Variants in RIF1 observed in about 807,000 individuals in gnomAD.
RIF1 encodes the protein telomere-associated protein RIF1.
In RIF1, 45 loss-of-function variants were observed where a neutral mutation model predicts 247.1. The observed-to-expected ratio is 0.18, with a 90% CI of 0.14 to 0.23. The LOEUF is 0.23. Among genes scored for constraint, RIF1 ranks in the 10% least tolerant of loss-of-function variants. The pLI, the probability that RIF1 is intolerant of heterozygous loss-of-function variation, is 1.00. For synonymous variants in RIF1, 1,087 were observed against 978.8 expected (o/e 1.11, Z -2.06); for missense variants, 2,967 against 2,862.5 (o/e 1.04, Z -0.83).
rs1014523887 is a variant in RIF1, at chr2:151,493,035, T to C, written c.*416-2194T>C. 10 of 270,308 alleles carry C rather than the reference T, an allele frequency of 3.7e-5. No homozygotes were observed. The Admixed American group carries it at 4.5e-4, about 12-fold the overall frequency. The allele number at this position is 270,308 out of a possible 1,614,324, so 16.7% of individuals were successfully genotyped here. The stretch of plus-strand genomic sequence containing the variant: ...AAGGAGAGCAGAAGATTGAGGATGT[T>C]AGGAAGTAAATTTGTTATAGTTGGT... On this transcript the variant is annotated intron_variant and NMD_transcript_variant, in intron 9 of 13. Coordinates refer to the RIF1 transcript ENST00000454583.
At chr2:151,431,657 C>T (rs1466860455) in intron 9 of RIF1, among the ~76,000 whole-genome samples, 2 of 152,186 alleles carry the variant, frequency 1.3e-5, no homozygotes, top group Non-Finnish European at 2.9e-5. Context: ...CATGGTGGCA[C>T]ATGCCTGTAA....
intron 9 of RIF1, chr2:151,493,161 A>G (rs756204418): frequency 2.2e-5 from 12 of 549,576 alleles, no homozygotes; most frequent in African/African-American, 3.8e-5. Context: ...GTTAATGTCT[A>G]TTTTAGTGTA....
chr2:151,518,122 A>G, the RIF1 span, among the ~76,000 whole-genome samples: 1 of 152,214 alleles, frequency 6.6e-6, no homozygotes, highest in Non-Finnish European at 1.5e-5. Flanking sequence ...ACATAATTGC[A>G]TGTATATTTC....
chr2:151,525,149 G>A, the RIF1 span: 1 of 1,587,280 alleles, frequency 6.3e-7, no homozygotes. Flanking sequence ...AGAGTGTTGA[G>A]AGGGAAAACT....
chr2:151,465,589 AATG>A lies in RIF1; in HGVS notation c.6075_6077del (p.Met2025del). The stretch of plus-strand genomic sequence containing the variant: ...ATACCAAAATGAAAAATAATGAAGA[AATG>A]ATGATCGGCGAGGCAATGGCTGAAA... On this transcript the variant is annotated inframe_deletion, in exon 30 of 36. Coordinates refer to ENST00000444746, the MANE Select transcript of RIF1 (RefSeq NM_018151.5). The A allele has an allele frequency of 2.5e-6, 4 of 1,614,008 alleles. No homozygotes were observed. The highest frequency in any genetic ancestry group is 3.4e-6 in the Non-Finnish European group (4 of 1,179,924).
Position 151,418,330 on chromosome 2 carries a change from G to A in RIF1, c.503+1429G>A, listed in dbSNP as rs139459506. 1.7e-3 allele frequency among the ~76,000 whole-genome samples: 257 copies of A among 152,130 alleles called. 1 individual carries two copies. Among genetic ancestry groups the A allele is most frequent in the African/African-American group, 5.9e-3 (245 of 41,486 alleles). Reference sequence around the variant, plus strand: ...AGTAATTCTTGTGCCTCAGCTTCCCGAGTAGCTGGGATTATAGGCGTCAGC... The same window carrying A: ...AGTAATTCTTGTGCCTCAGCTTCCCAAGTAGCTGGGATTATAGGCGTCAGC... On this transcript the variant is annotated intron_variant, in intron 6 of 35. Coordinates refer to ENST00000444746, the MANE Select transcript of RIF1 (RefSeq NM_018151.5).
At chr2:151,530,940 C>T in the RIF1 span, 49 of 1,196,398 alleles carry the variant, frequency 4.1e-5, no homozygotes, top group African/African-American at 7.0e-4. Context: ...TTTGTTACAT[C>T]TCATTAGAAG....
At chr2:151,513,718 A>G in the RIF1 span, 1 of 1,496,258 alleles carries the variant, frequency 6.7e-7, no homozygotes, top group African/African-American at 1.4e-5. Flanking sequence ...AAAGAAAAAA[A>G]AAAGGTACCT....
At chr2:151,496,458 A>T (rs1246274907) in intron 10 of RIF1, 1 of 1,482,654 alleles carries the variant, frequency 6.7e-7, no homozygotes, top group Non-Finnish European at 9.1e-7. Flanking sequence ...TTCCTTGTTA[A>T]GAAAACACAG....
Position 151,465,799 on chromosome 2 carries a change from A to T in RIF1, c.6279A>T (p.Lys2093Asn). The T allele has an allele frequency of 6.2e-7, 1 of 1,613,302 alleles. No individual in the cohort carries two copies. Among genetic ancestry groups the T allele is most frequent in the Non-Finnish European group, 8.5e-7 (1 of 1,179,226 alleles). ...NKTETNTEYS[K>N]SEEKLDNNQM... is the part of the protein sequence containing the mutation. ...CTGAAACAAATACTGAGTATAGTAA[A>T]TCTGAAGAAAAATTAGATAACAATC... Residue 2093 changes from lysine (K) to asparagine (N), a missense_variant, in exon 30 of 36, where the codon AAA becomes AAT. Around this residue, in one of 7 missense-constraint regions of RIF1, gnomAD observed 2,028 missense variants for 1,825.6 expected, o/e 1.11. Transcript: ENST00000444746.
intron 9 of RIF1, among the ~76,000 whole-genome samples, chr2:151,488,962 TC>T (rs1414788319): frequency 6.6e-6 from 1 of 152,228 alleles, no homozygotes; most frequent in African/African-American, 2.4e-5. Flanking sequence ...TATGTTTTGT[TC>T]TTTTTTAGTT....
chr2:151,496,993 G>A, intron 10 of RIF1: 1 of 1,579,202 alleles, frequency 6.3e-7, no homozygotes, highest in Non-Finnish European at 8.6e-7. Flanking sequence ...AGGAGTGACA[G>A]GTAGAGGGGT....
the RIF1 span, chr2:151,526,014 GTGT>G: frequency 6.2e-7 from 1 of 1,614,004 alleles, no homozygotes; most frequent in Non-Finnish European, 8.5e-7. Flanking sequence ...GTCTCTGGTA[GTGT>G]TGTGTATGAG....
chr2:151,499,267 A>ATAATT (rs1559244947), intron 10 of RIF1: 2 of 1,132,860 alleles, frequency 1.8e-6, no homozygotes, highest in Admixed American at 4.8e-5. Flanking sequence ...ATTTTTTTAA[A>ATAATT]TAATTAAAGG....
rs754996127 is a variant in RIF1 at position 151,473,987 on chromosome 2, G to C, written c.7119G>C (p.Glu2373Asp). The C allele has an allele frequency of 2.5e-5, 40 of 1,590,806 alleles. No homozygotes were observed. Among genetic ancestry groups the C allele is most frequent in the Non-Finnish European group, 3.4e-5 (39 of 1,161,564 alleles). The change falls in exon 35 of 36, where the codon GAG (glutamate) becomes GAC (aspartate). Residue 2373 changes from glutamate to aspartate, a missense_variant. Coordinates refer to ENST00000444746, the MANE Select transcript of RIF1 (RefSeq NM_018151.5). ...AGGTGAAGACTCGTGGACTAGAAGA[G>C]ATTCCAGTTTTTGATATTTCTGAAA... is the stretch of plus-strand genomic sequence containing the variant. Reference protein sequence around the residue: ...EQQVKTRGLEEIPVFDISEKT... With the variant: ...EQQVKTRGLEDIPVFDISEKT...
chr2:151,443,587 C>G lies in RIF1; in HGVS notation c.1864C>G (p.Leu622Val). Residue 622 changes from leucine (L) to valine (V), a missense_variant, in exon 18 of 36, where the codon CTA becomes GTA. Physicochemically the swap from Leu to Val is conservative, Grantham distance 32. Around this residue, in one of 7 missense-constraint regions of RIF1, gnomAD observed 369 missense variants for 322.0 expected, o/e 1.15. Coordinates refer to ENST00000444746, the MANE Select transcript of RIF1 (RefSeq NM_018151.5). ...TGTTCTTTCTGGTCCAACTTCACCA[C>G]TAGCTTTCAGTGACTCAGTTTTAAA... is the stretch of plus-strand genomic sequence containing the variant. ...GCVLSGPTSPLAFSDSVLNVI... is the reference protein window; with the variant it reads ...GCVLSGPTSPVAFSDSVLNVI... The G allele has an allele frequency of 6.2e-7, 1 of 1,611,974 alleles. No individual in the cohort carries two copies. Among genetic ancestry groups the G allele is most frequent in the East Asian group, 2.2e-5 (1 of 44,768 alleles).
chr2:151,419,866 C>G (rs775118242), intron 6 of RIF1, among the ~76,000 whole-genome samples: 4 of 152,172 alleles, frequency 2.6e-5, no homozygotes, highest in East Asian at 3.9e-4. Context: ...CAAAACGTTG[C>G]TCTGTGGTGA....
intron 7 of RIF1, 138 bp downstream of exon 7, chr2:151,420,517 C>A: frequency 1.3e-6 from 1 of 750,544 alleles, no homozygotes; most frequent in Non-Finnish European, 2.1e-6. Flanking sequence ...GGGAGGATTG[C>A]TTGAGGCCAG....
chr2:151,457,771 T>C lies in RIF1; in HGVS notation c.2663T>C (p.Leu888Pro). The C allele has an allele frequency of 6.2e-7, 1 of 1,613,628 alleles. No individual in the cohort carries two copies. The highest frequency in any genetic ancestry group is 8.5e-7 in the Non-Finnish European group (1 of 1,179,706). ...YSCLNNKLEKLLGEIIACLQF... is the reference protein window; with the variant it reads ...YSCLNNKLEKPLGEIIACLQF... ...TTTCGTTTTTCCTAGTTAGAAAAGC[T>C]ACTGGGAGAAATTATTGCTTGTCTG... The change falls in exon 24 of 36, where the codon CTA becomes CCA. Residue 888 changes from leucine (L) to proline (P), a missense_variant. Leu to Pro is a moderately conservative substitution (Grantham distance 98, BLOSUM62 -3). Around this residue, in one of 7 missense-constraint regions of RIF1, gnomAD observed 2,028 missense variants for 1,825.6 expected, o/e 1.11. Coordinates refer to ENST00000444746, the MANE Select transcript of RIF1 (RefSeq NM_018151.5).
Sources: allele counts gnomAD v4.1 joint callset (sites outside exome capture counted in the v4.1 genomes callset), GRCh38; gene constraint gnomAD v4.1.1; regional missense constraint gnomAD v4.1.1; transcripts MANE v1.5; gene names NCBI Gene and HGNC (gene_info 2026-07-23, HGNC 2026-07-21).